KIRREL3: variants seen among roughly 807,000 people sequenced by gnomAD.
KIRREL3 encodes kin of IRRE-like protein 3.
KIRREL3 carries 36 observed loss-of-function variants against 89.7 expected under a neutral mutation model. The ratio of observed to expected loss-of-function variants is 0.40; its 90% confidence interval spans 0.31 to 0.53. The LOEUF (loss-of-function observed/expected upper bound fraction) is 0.53. Among genes scored for constraint, KIRREL3 ranks in the 20% least tolerant of loss-of-function variants. The pLI, the probability that KIRREL3 is intolerant of heterozygous loss-of-function variation, is 0.49. For synonymous variants in KIRREL3, 445 were observed against 441.4 expected (o/e 1.01, Z -0.10); for missense variants, 864 against 1,056.6 (o/e 0.82, Z 2.53).
chr11:126,911,690 C>G (rs907882649), intron 1 of KIRREL3, among the ~76,000 whole-genome samples: 12 of 152,064 alleles, frequency 7.9e-5, no homozygotes, highest in Non-Finnish European at 1.3e-4. Context: ...GGGATGTGTC[C>G]ATAAGAACGG....
In KIRREL3 at chr11:126,587,190, G is replaced by C. The variant is rs1941905346; in HGVS notation, c.56-24278C>G. ...CAGTTCTTGGAAAATGTCCACTGGG[G>C]ACATGACATCCAAGCTGAAACCCGA... On this transcript the variant is annotated intron_variant, in intron 1 of 16. Coordinates refer to ENST00000525144, the MANE Select transcript of KIRREL3 (RefSeq NM_032531.4). This position sits in a 1 kb window ranked among gnomAD's most constrained non-coding sequence, Gnocchi z 5.2. Among the ~76,000 whole-genome samples the C allele has an allele frequency of 6.6e-6, 1 of 152,142 alleles. No individual in the cohort carries two copies. The highest frequency in any genetic ancestry group is 1.5e-5 in the Non-Finnish European group (1 of 68,026).
In KIRREL3 at chr11:126,578,476, G is replaced by A. The variant is rs888521573; in HGVS notation, c.56-15564C>T. ...CGTGCCTACCTGCTAATAAGAGCGG[G>A]AGTGTGGATTGTGCACATAGGTGGG... On this transcript the variant is annotated intron_variant, in intron 1 of 16. Transcript: ENST00000525144. This position sits in a 1 kb window ranked among gnomAD's most constrained non-coding sequence, Gnocchi z 4.9. Among the ~76,000 whole-genome samples, 1 of 152,222 alleles carries A rather than the reference G, an allele frequency of 6.6e-6. No homozygotes were observed. The highest frequency in any genetic ancestry group is 1.5e-5 in the Non-Finnish European group (1 of 68,046).
chr11:126,920,882 T>A (rs1947245671), intron 1 of KIRREL3, among the ~76,000 whole-genome samples: 1 of 152,220 alleles, frequency 6.6e-6, no homozygotes, highest in Non-Finnish European at 1.5e-5. Flanking sequence ...CAAAATTACC[T>A]CAACACTCAG....
chr11:126,738,816 C>A (rs570548906), intron 1 of KIRREL3, among the ~76,000 whole-genome samples: 5 of 152,174 alleles, frequency 3.3e-5, no homozygotes, highest in Non-Finnish European at 7.3e-5. Flanking sequence ...TTTATGAAGA[C>A]GAGAAGAAAT....
Position 126,606,928 on chromosome 11 carries a change from G to A in KIRREL3, c.56-44016C>T, listed in dbSNP as rs748626484. Among the ~76,000 whole-genome samples the A allele has an allele frequency of 6.6e-6, 1 of 152,116 alleles. No homozygotes were observed. Among genetic ancestry groups the A allele is most frequent in the Non-Finnish European group, 1.5e-5 (1 of 68,018 alleles). On this transcript the variant is annotated intron_variant, in intron 1 of 16. Coordinates refer to ENST00000525144, the MANE Select transcript of KIRREL3 (RefSeq NM_032531.4). This position sits in a 1 kb window ranked among gnomAD's most constrained non-coding sequence, Gnocchi z 4.6. Reference sequence around the variant, plus strand: ...AGAAGCTCAGATGATGGGAAGGGGCGGGGGTGGCCAGGCAGTGCTTTCTAG... The same window carrying A: ...AGAAGCTCAGATGATGGGAAGGGGCAGGGGTGGCCAGGCAGTGCTTTCTAG...
At chr11:126,693,607 C>CCCCACA (rs1555176878) in intron 1 of KIRREL3, among the ~76,000 whole-genome samples, 3 of 149,884 alleles carry the variant, frequency 2.0e-5, no homozygotes, top group African/African-American at 4.9e-5. Flanking sequence ...GTGCCTGTGA[C>CCCCACA]CACACACACA....
intron 16 of KIRREL3, 147 bp downstream of exon 16, chr11:126,425,491 G>T: frequency 1.5e-6 from 1 of 679,898 alleles, no homozygotes; most frequent in South Asian, 1.9e-5. Context: ...AGGTGCCTTA[G>T]GCAGGGACGG....
Position 126,898,674 on chromosome 11 carries a change from C to A in KIRREL3, c.55+101781G>T, listed in dbSNP as rs1488529268. Reference sequence around the variant, plus strand: ...TGTACTTTACATATATTTTGGAAGACCTTTATCAAACATAGAATAGTTACC... The same window carrying A: ...TGTACTTTACATATATTTTGGAAGAACTTTATCAAACATAGAATAGTTACC... On this transcript the variant is annotated intron_variant, in intron 1 of 16. Coordinates refer to ENST00000525144, the MANE Select transcript of KIRREL3 (RefSeq NM_032531.4). This position sits in a 1 kb window ranked among gnomAD's most constrained non-coding sequence, Gnocchi z 4.9. Among the ~76,000 whole-genome samples, 2 of 151,870 alleles carry A rather than the reference C, an allele frequency of 1.3e-5. No homozygotes were observed. The highest frequency in any genetic ancestry group is 4.8e-5 in the African/African-American group (2 of 41,342).
Position 126,995,284 on chromosome 11 carries a change from C to T in KIRREL3, c.55+5171G>A, listed in dbSNP as rs1318366502. The T allele has an allele frequency of 2.2e-6, 1 of 456,154 alleles. No homozygotes were observed. Among genetic ancestry groups the T allele is most frequent in the South Asian group, 1.5e-5 (1 of 64,550 alleles). The allele number at this position is 456,154 out of a possible 1,614,324, so 28.3% of individuals were successfully genotyped here. On this transcript the variant is annotated intron_variant, in intron 1 of 16. Transcript: ENST00000525144. This position sits in a 1 kb window ranked among gnomAD's most constrained non-coding sequence, Gnocchi z 6.5. ...TCCAATCACTCTGCTGCAAGCGCCA[C>T]CATTAAAGTCAAGATCACTGTGGTG...
chr11:126,763,050 G>C lies in KIRREL3; in HGVS notation c.56-200138C>G, dbSNP rs900563578. 3.9e-5 allele frequency among the ~76,000 whole-genome samples: 6 copies of C among 152,150 alleles called. No homozygotes were observed. Among genetic ancestry groups the C allele is most frequent in the Non-Finnish European group, 8.8e-5 (6 of 68,032 alleles). On this transcript the variant is annotated intron_variant, in intron 1 of 16. Transcript: ENST00000525144. This position sits in a 1 kb window ranked among gnomAD's most constrained non-coding sequence, Gnocchi z 4.7. ...TCAACTTTGAGAGCATAACTAGGTA[G>C]GTAGAGAGGGGCTATGCCCAGGAGT... is the stretch of plus-strand genomic sequence containing the variant.
rs1407152152 is a variant in KIRREL3, at chr11:126,814,767, G to A, written c.55+185688C>T. Among the ~76,000 whole-genome samples, 2 of 152,168 alleles carry A rather than the reference G, an allele frequency of 1.3e-5. No homozygotes were observed. The highest frequency in any genetic ancestry group is 4.8e-5 in the African/African-American group (2 of 41,438). On this transcript the variant is annotated intron_variant, in intron 1 of 16. Coordinates refer to ENST00000525144, the MANE Select transcript of KIRREL3 (RefSeq NM_032531.4). This position sits in a 1 kb window ranked among gnomAD's most constrained non-coding sequence, Gnocchi z 4.4. ...GGAACAACACACACTGGGACCTGAT[G>A]GGGGTGTGGGTTGGGGGAGGGAGAG...
chr11:126,922,396 C>T (rs1166566711), intron 1 of KIRREL3, among the ~76,000 whole-genome samples: 1 of 152,146 alleles, frequency 6.6e-6, no homozygotes, highest in Admixed American at 6.6e-5. Context: ...TAGAAGGCCT[C>T]TTCCTGCTTC....
Position 126,607,010 on chromosome 11 carries a change from T to TA in KIRREL3, c.56-44099dup, listed in dbSNP as rs1942917727. 6.6e-6 allele frequency among the ~76,000 whole-genome samples: 1 copy of TA among 152,174 alleles called. No homozygotes were observed. Among genetic ancestry groups the TA allele is most frequent in the Non-Finnish European group, 1.5e-5 (1 of 68,032 alleles). On this transcript the variant is annotated intron_variant, in intron 1 of 16. Transcript: ENST00000525144. The surrounding 1 kb of genome is among the most constrained non-coding windows in gnomAD (Gnocchi z 6.6). ...ACATGGCCGGGTATTCCAGGGTTTT[T>TA]AAATTGCATGCCACATGTTTATCCT... is the stretch of plus-strand genomic sequence containing the variant.
intron 1 of KIRREL3, among the ~76,000 whole-genome samples, chr11:126,786,777 G>C (rs1388226483): frequency 1.3e-5 from 2 of 152,204 alleles, no homozygotes; most frequent in African/African-American, 4.8e-5. Flanking sequence ...GCATGAGCTG[G>C]CCTGGTCTGG....
At position 126,680,579 on chromosome 11, in the gene KIRREL3, C is replaced by T. The variant is rs540768804; in HGVS notation, c.56-117667G>A. ...GAGAGGGAAAAAAAGTCAGAATAAA[C>T]ATATGCAAGGACTGGGGTTTAAACA... is the stretch of plus-strand genomic sequence containing the variant. On this transcript the variant is annotated intron_variant, in intron 1 of 16. Transcript: ENST00000525144. Among the ~76,000 whole-genome samples, 5 of 152,160 alleles carry T rather than the reference C, an allele frequency of 3.3e-5. No individual in the cohort carries two copies. In the South Asian group the frequency reaches 1.0e-3, roughly 32 times the overall value.
rs750790603 is a variant in KIRREL3 at position 126,449,123 on chromosome 11, A to T, written c.883T>A (p.Ser295Thr). 1 of 1,613,970 alleles carries T rather than the reference A, an allele frequency of 6.2e-7. No homozygotes were observed. Among genetic ancestry groups the T allele is most frequent in the Non-Finnish European group, 8.5e-7 (1 of 1,179,852 alleles). Residue 295 changes from serine to threonine, a missense_variant, in exon 8 of 17, where the codon TCT (serine) becomes ACT (threonine). Ser to Thr is a moderately conservative substitution (Grantham distance 58). Coordinates refer to ENST00000525144, the MANE Select transcript of KIRREL3 (RefSeq NM_032531.4). The part of the protein sequence containing the change: ...AKRGQIIKEA[S>T]GEVYRTTVDY... ...ACTGTGGTCCTGTACACCTCTCCAG[A>T]TGCCTCCTTGATGATCTGGCCCCGC...
At chr11:126,505,521 A>G (rs1327381496) in intron 4 of KIRREL3, among the ~76,000 whole-genome samples, 1 of 152,168 alleles carries the variant, frequency 6.6e-6, no homozygotes, top group African/African-American at 2.4e-5. Context: ...CAGTGAGCTG[A>G]GATTGTGCCA....
At chr11:126,986,676 G>C (rs1278774886) in intron 1 of KIRREL3, among the ~76,000 whole-genome samples, 1 of 152,222 alleles carries the variant, frequency 6.6e-6, no homozygotes, top group African/African-American at 2.4e-5. Flanking sequence ...TGATGTCAGT[G>C]ACGGATTGGC....
chr11:126,503,976 T>C (rs906673366), intron 4 of KIRREL3, among the ~76,000 whole-genome samples: 42 of 152,312 alleles, frequency 2.8e-4, no homozygotes, highest in African/African-American at 9.9e-4. Context: ...GTCTATAGTA[T>C]TTGTTATAGC....
Sources: gnomAD v4.1 joint callset for allele counts (sites outside exome capture counted in the v4.1 genomes callset) on GRCh38, gnomAD v4.1.1 for gene constraint, Gnocchi (gnomAD v3.1) non-coding constraint, MANE v1.5 for transcripts, NCBI Gene and HGNC (gene_info 2026-07-23, HGNC 2026-07-21) for gene names.